PITPNM3: variants seen among roughly 807,000 people sequenced by gnomAD.
PITPNM3 encodes membrane-associated phosphatidylinositol transfer protein 3.
PITPNM3 carries 26 observed loss-of-function variants against 102.0 expected under a neutral mutation model. The ratio of observed to expected loss-of-function variants is 0.25; its 90% CI spans 0.19 to 0.35. The LOEUF (loss-of-function observed/expected upper bound fraction) is 0.35, where lower values mean the gene tolerates loss of function less well. Among genes scored for constraint, PITPNM3 ranks in the 10% least tolerant of loss-of-function variants. The pLI is 1.00. For synonymous variants in PITPNM3, 578 were observed against 558.6 expected (o/e 1.03, Z -0.49); for missense variants, 1,083 against 1,346.1 (o/e 0.80, Z 3.06).
intron 4 of PITPNM3, among the ~76,000 whole-genome samples, chr17:6,488,902 G>A (rs548681327): frequency 7.9e-4 from 120 of 152,280 alleles, no homozygotes; most frequent in Admixed American, 1.6e-3. Context: ...TTTGGGGTGG[G>A]GGAGCCCACA....
At chr17:6,555,438 G>C (rs1597426909) in intron 1 of PITPNM3, among the ~76,000 whole-genome samples, 1 of 152,168 alleles carries the variant, frequency 6.6e-6, no homozygotes, top group East Asian at 1.9e-4. Context: ...GTCACGGGTT[G>C]GGTGTGAGTT....
intron 3 of PITPNM3, among the ~76,000 whole-genome samples, chr17:6,519,883 G>A (rs1908413569): frequency 6.6e-6 from 1 of 151,914 alleles, no homozygotes; most frequent in Admixed American, 6.6e-5. Context: ...GCTGTAACTA[G>A]AAAAAACCCA....
chr17:6,556,361 T>C lies in PITPNM3; in HGVS notation c.22+24A>G. On this transcript the variant is annotated intron_variant, in intron 1 of 19. Transcript: ENST00000262483. This position sits in a 1 kb window ranked among gnomAD's most constrained non-coding sequence, Gnocchi z 5.2. The stretch of plus-strand genomic sequence containing the variant: ...GAGTCCCTCCCCCGGGCCCCGGCCC[T>C]GCCCTCCCCGCGCCCGCCCTCACCT... The C allele has an allele frequency of 1.5e-6, 2 of 1,324,140 alleles. No homozygotes were observed. Among genetic ancestry groups the C allele is most frequent in the South Asian group, 1.5e-5 (1 of 65,712 alleles). The allele number at this position is 1,324,140 out of a possible 1,614,324, so 82.0% of individuals were successfully genotyped here.
intron 3 of PITPNM3, among the ~76,000 whole-genome samples, chr17:6,515,737 C>T (rs912452965): frequency 6.6e-6 from 1 of 151,678 alleles, no homozygotes; most frequent in African/African-American, 2.4e-5. Flanking sequence ...CTACAGAAAA[C>T]TCTGAAATGT....
intron 3 of PITPNM3, among the ~76,000 whole-genome samples, chr17:6,523,811 C>G (rs764464977): frequency 2.6e-5 from 4 of 152,332 alleles, no homozygotes; most frequent in Admixed American, 1.3e-4. Context: ...CAGAGCCCCC[C>G]CTTCTCGTGG....
chr17:6,551,677 A>G (rs1254356435), intron 1 of PITPNM3, among the ~76,000 whole-genome samples: 1 of 152,130 alleles, frequency 6.6e-6, no homozygotes, highest in Non-Finnish European at 1.5e-5. Context: ...AGAGTTTGAG[A>G]CCAGCCTGGG....
chr17:6,509,832 G>A (rs541365906), intron 3 of PITPNM3, among the ~76,000 whole-genome samples: 8 of 152,108 alleles, frequency 5.3e-5, no homozygotes, highest in South Asian at 4.2e-4. Context: ...GTGGCTCTCC[G>A]CTCCCCTGCT....
chr17:6,542,877 C>T (rs1253023914), intron 1 of PITPNM3, among the ~76,000 whole-genome samples: 2 of 152,160 alleles, frequency 1.3e-5, no homozygotes, highest in African/African-American at 4.8e-5. Context: ...TTCACTACCA[C>T]ATTTATTTAT....
At position 6,483,787 on chromosome 17, in the gene PITPNM3, G is replaced by A. The variant is rs779885188; in HGVS notation, c.352-35C>T. On this transcript the variant is annotated intron_variant, in intron 5 of 19. Coordinates refer to ENST00000262483, the MANE Select transcript of PITPNM3 (RefSeq NM_031220.4). ...AAGGCGGTTGGAATACAGAGAGAGAGGCGGCTGGGGTCGGGGGAGGCACAC... is the reference window on the plus strand; with the variant it reads ...AAGGCGGTTGGAATACAGAGAGAGAAGCGGCTGGGGTCGGGGGAGGCACAC... 3 of 1,593,732 alleles carry A rather than the reference G, an allele frequency of 1.9e-6. No homozygotes were observed. The South Asian group carries it at 3.3e-5, about 18-fold the overall frequency.
At chr17:6,531,473 A>G (rs748784480) in intron 2 of PITPNM3, among the ~76,000 whole-genome samples, 2 of 152,178 alleles carry the variant, frequency 1.3e-5, no homozygotes, top group Non-Finnish European at 2.9e-5. Flanking sequence ...TTTCTTACCC[A>G]TGGCTTCTGG....
In PITPNM3 at chr17:6,537,866, A is replaced by T; in HGVS notation, c.118+121T>A. On this transcript the variant is annotated intron_variant, in intron 2 of 19. Coordinates refer to ENST00000262483, the MANE Select transcript of PITPNM3 (RefSeq NM_031220.4). The surrounding 1 kb of genome is among the most constrained non-coding windows in gnomAD (Gnocchi z 4.4). Reference sequence around the variant, plus strand: ...ACATCCACAGGATGGGTAAGTATGGAGTGTGGAGCTGCAGATACCACGTCT... The same window carrying T: ...ACATCCACAGGATGGGTAAGTATGGTGTGTGGAGCTGCAGATACCACGTCT... 1.2e-6 allele frequency: 1 copy of T among 816,596 alleles called. No individual in the cohort carries two copies. Among genetic ancestry groups the T allele is most frequent in the African/African-American group, 1.7e-5 (1 of 59,170 alleles). 50.6% of individuals were successfully genotyped at this position (816,596 alleles called of 1,614,324 possible).
At chr17:6,464,065 TG>T in intron 16 of PITPNM3, 104 bp downstream of exon 16, 1 of 1,577,570 alleles carries the variant, frequency 6.3e-7, no homozygotes. Flanking sequence ...CAGACAGAGA[TG>T]GGGGCCCACA....
At chr17:6,546,751 T>A (rs980892579) in intron 1 of PITPNM3, among the ~76,000 whole-genome samples, 2 of 152,220 alleles carry the variant, frequency 1.3e-5, no homozygotes, top group African/African-American at 4.8e-5. Context: ...ACGCCCGTAA[T>A]CCCAGCACTT....
At chr17:6,542,238 G>A (rs918430394) in intron 1 of PITPNM3, among the ~76,000 whole-genome samples, 1 of 152,208 alleles carries the variant, frequency 6.6e-6, no homozygotes, top group Non-Finnish European at 1.5e-5. Context: ...CAGTGTCTGG[G>A]TATCCTTGTG....
chr17:6,494,645 C>T (rs767491819), intron 4 of PITPNM3, among the ~76,000 whole-genome samples: 18 of 152,284 alleles, frequency 1.2e-4, no homozygotes, highest in Non-Finnish European at 2.1e-4. Context: ...ACCTGTCAGA[C>T]TGGCAGTTGT....
At chr17:6,509,213 C>T (rs1039484015) in intron 3 of PITPNM3, among the ~76,000 whole-genome samples, 1 of 152,148 alleles carries the variant, frequency 6.6e-6, no homozygotes. Flanking sequence ...TTCTGAGTCC[C>T]GCTAACGGTT....
intron 1 of PITPNM3, among the ~76,000 whole-genome samples, chr17:6,548,687 C>T (rs1470854269): frequency 6.6e-6 from 1 of 152,112 alleles, no homozygotes; most frequent in African/African-American, 2.4e-5. Flanking sequence ...CAGCTGTCAG[C>T]CCCGAGAGCT....
At chr17:6,540,847 C>T (rs529913884) in intron 1 of PITPNM3, among the ~76,000 whole-genome samples, 4 of 152,086 alleles carry the variant, frequency 2.6e-5, no homozygotes, top group Non-Finnish European at 5.9e-5. Flanking sequence ...TTAGTAGAGA[C>T]GGGGTTTCAC....
intron 4 of PITPNM3, among the ~76,000 whole-genome samples, chr17:6,499,800 G>A (rs1367228507): frequency 2.0e-5 from 3 of 152,030 alleles, no homozygotes; most frequent in Admixed American, 6.6e-5. Flanking sequence ...GCACAATCTC[G>A]GCTCACTGCA....
Sources: allele counts gnomAD v4.1 joint callset (sites outside exome capture counted in the v4.1 genomes callset), GRCh38; gene constraint gnomAD v4.1.1; non-coding constraint Gnocchi (gnomAD v3.1); transcripts MANE v1.5; gene names NCBI Gene and HGNC (gene_info 2026-07-23, HGNC 2026-07-21).